The following KIF6 variants were observed in gnomAD, a reference collection of about 807,000 sequenced individuals.
The protein encoded by KIF6 is kinesin-like protein KIF6.
A neutral mutation model predicts 112.7 loss-of-function variants in KIF6; 106 were observed. That is an observed-to-expected ratio of 0.94 (90% confidence interval 0.80 to 1.11). The LOEUF (loss-of-function observed/expected upper bound fraction) is 1.11. KIF6 is among the 50% of genes least tolerant of loss of function. The probability of loss-of-function intolerance (pLI) is 0.00; values close to 1 mark genes in which losing one functional copy is unlikely to be tolerated. For missense variants in KIF6, 929 were observed against 964.0 expected, an observed-to-expected ratio of 0.96 and a Z score of 0.48; for synonymous variants, 339 against 339.9, an observed-to-expected ratio of 1.00 and a Z score of 0.03.
intron 10 of KIF6, among the ~76,000 whole-genome samples, chr6:39,570,389 A>G (rs1007803218): frequency 2.0e-5 from 3 of 152,150 alleles, no homozygotes; most frequent in African/African-American, 7.2e-5. Context: ...TTTTCTCTTC[A>G]TTGTTAAATA....
At chr6:39,442,573 G>A (rs555684615) in intron 13 of KIF6, among the ~76,000 whole-genome samples, 2 of 152,332 alleles carry the variant, frequency 1.3e-5, no homozygotes, top group East Asian at 1.9e-4. Flanking sequence ...GGCCAGCAAC[G>A]TTTCCATTAA....
chr6:39,590,429 GTATA>G (rs1249626336), intron 7 of KIF6, among the ~76,000 whole-genome samples: 1 of 95,400 alleles, frequency 1.0e-5, no homozygotes, highest in African/African-American at 3.9e-5. Flanking sequence ...ATGTGTGTGT[GTATA>G]TATATATATA....
Position 39,342,377 on chromosome 6 carries a change from T to C in KIF6, c.2428+1332A>G, listed in dbSNP as rs1223825402. Among the ~76,000 whole-genome samples, 1 of 152,246 alleles carries C rather than the reference T, an allele frequency of 6.6e-6. No individual in the cohort carries two copies. The highest frequency in any genetic ancestry group is 1.9e-4 in the East Asian group (1 of 5,196). On this transcript the variant is annotated intron_variant, in intron 22 of 22. Coordinates refer to ENST00000287152, the MANE Select transcript of KIF6 (RefSeq NM_145027.6). This position sits in a 1 kb window ranked among gnomAD's most constrained non-coding sequence, Gnocchi z 4.7. ...CGTATTTGTCGACGTGTTCATTGTCTGTCTCCTTCCTCCCCCTAGAATGTC... is the reference window on the plus strand; with the variant it reads ...CGTATTTGTCGACGTGTTCATTGTCCGTCTCCTTCCTCCCCCTAGAATGTC...
At chr6:39,724,722 C>T (rs751724185) in intron 1 of KIF6, among the ~76,000 whole-genome samples, 3 of 152,250 alleles carry the variant, frequency 2.0e-5, no homozygotes, top group Admixed American at 6.5e-5. Flanking sequence ...TACTGAGGCC[C>T]CACTGGGTGC....
intron 15 of KIF6, among the ~76,000 whole-genome samples, chr6:39,386,082 T>C (rs1167752885): frequency 6.6e-6 from 1 of 152,236 alleles, no homozygotes; most frequent in East Asian, 1.9e-4. Flanking sequence ...CATGAAACTG[T>C]GTCAAATAAA....
intron 16 of KIF6, among the ~76,000 whole-genome samples, chr6:39,377,486 A>G (rs892390612): frequency 2.6e-5 from 4 of 152,182 alleles, no homozygotes; most frequent in African/African-American, 9.7e-5. Context: ...AATGGTTGAC[A>G]GTCTGGCCTT....
chr6:39,431,425 G>C (rs977340501), intron 13 of KIF6: 7 of 344,542 alleles, frequency 2.0e-5, no homozygotes, highest in Admixed American at 1.9e-4. Context: ...ATGCCTGCTC[G>C]GGGGAAATGA....
At chr6:39,590,327 T>G (rs1328630288) in intron 7 of KIF6, among the ~76,000 whole-genome samples, 1 of 151,866 alleles carries the variant, frequency 6.6e-6, no homozygotes, top group Non-Finnish European at 1.5e-5. Flanking sequence ...AATATTGATG[T>G]CTTTTCATTC....
At chr6:39,609,070 G>T (rs1783051355) in intron 6 of KIF6, among the ~76,000 whole-genome samples, 2 of 152,198 alleles carry the variant, frequency 1.3e-5, no homozygotes, top group South Asian at 4.1e-4. Context: ...CCAGTTAAGT[G>T]ACTTGTCCAA....
chr6:39,380,748 T>G (rs2150305403), intron 16 of KIF6, among the ~76,000 whole-genome samples: 1 of 152,302 alleles, frequency 6.6e-6, no homozygotes, highest in African/African-American at 2.4e-5. Flanking sequence ...AATGTGGATT[T>G]GGGAAGAGAG....
At chr6:39,589,821 G>A (rs551694868) in intron 7 of KIF6, among the ~76,000 whole-genome samples, 1 of 152,316 alleles carries the variant, frequency 6.6e-6, no homozygotes, top group East Asian at 1.9e-4. Context: ...GCTCTGTGTA[G>A]CAGCCAAACC....
chr6:39,446,371 C>T (rs1172046233), intron 13 of KIF6, among the ~76,000 whole-genome samples: 1 of 152,172 alleles, frequency 6.6e-6, no homozygotes, highest in Non-Finnish European at 1.5e-5. Context: ...CATGAGCCCC[C>T]AAAGGCATGT....
chr6:39,368,028 T>C (rs1765702771), intron 16 of KIF6, among the ~76,000 whole-genome samples: 1 of 152,338 alleles, frequency 6.6e-6, no homozygotes, highest in Admixed American at 6.5e-5. Flanking sequence ...GCAAGTACTC[T>C]GTGCAGAAGT....
chr6:39,603,120 C>T (rs1366447779), intron 6 of KIF6, among the ~76,000 whole-genome samples: 1 of 152,040 alleles, frequency 6.6e-6, no homozygotes, highest in Non-Finnish European at 1.5e-5. Flanking sequence ...TGGTGTGATC[C>T]ACTGGGCTAC....
intron 9 of KIF6, among the ~76,000 whole-genome samples, chr6:39,580,836 A>T (rs1781246276): frequency 6.6e-6 from 1 of 152,154 alleles, no homozygotes; most frequent in South Asian, 2.1e-4. Context: ...ACCCCTGCAT[A>T]GTCTTCCCTG....
chr6:39,715,577 C>T (rs1220055649), intron 2 of KIF6, among the ~76,000 whole-genome samples: 2 of 151,302 alleles, frequency 1.3e-5, no homozygotes, highest in Non-Finnish European at 2.9e-5. Context: ...TATCTCGCCT[C>T]ACTGCAACCT....
chr6:39,686,116 CAA>C (rs1244337384), intron 3 of KIF6, among the ~76,000 whole-genome samples: 5 of 152,204 alleles, frequency 3.3e-5, no homozygotes, highest in Admixed American at 3.3e-4. Context: ...TGAAAATAAA[CAA>C]AAGAGCTCAA....
At chr6:39,349,337 C>T (rs754008073) in intron 19 of KIF6, among the ~76,000 whole-genome samples, 1 of 152,096 alleles carries the variant, frequency 6.6e-6, no homozygotes, top group African/African-American at 2.4e-5. Context: ...TGGACTCTCT[C>T]GGAGATGCCG....
chr6:39,441,756 G>C (rs1482626529), intron 13 of KIF6, among the ~76,000 whole-genome samples: 1 of 152,212 alleles, frequency 6.6e-6, no homozygotes, highest in Non-Finnish European at 1.5e-5. Flanking sequence ...ACAATTTCTG[G>C]AATGGGCTAG....
Sources: gnomAD v4.1 joint callset for allele counts (sites outside exome capture counted in the v4.1 genomes callset) on GRCh38, gnomAD v4.1.1 for gene constraint, Gnocchi (gnomAD v3.1) non-coding constraint, MANE v1.5 for transcripts, NCBI Gene and HGNC (gene_info 2026-07-23, HGNC 2026-07-21) for gene names.